The following RELN variants were observed in gnomAD, a reference collection of about 807,000 sequenced individuals.
RELN encodes reelin.
In RELN, 108 loss-of-function variants were observed where a neutral mutation model predicts 427.6. The ratio of observed to expected loss-of-function variants is 0.25; its 90% confidence interval spans 0.22 to 0.30. The LOEUF (loss-of-function observed/expected upper bound fraction) is 0.30, where lower values mean the gene tolerates loss of function less well. Among genes scored for constraint, RELN ranks in the 10% least tolerant of loss-of-function variants. The probability of loss-of-function intolerance (pLI) is 1.00; values close to 1 mark genes in which losing one functional copy is unlikely to be tolerated. For synonymous variants in RELN, 1,524 were observed against 1,513.4 expected (o/e 1.01, Z -0.16); for missense variants, 3,715 against 4,302.8 (o/e 0.86, Z 3.82).
intron 8 of RELN, among the ~76,000 whole-genome samples, chr7:103,712,604 A>G (rs181361918): frequency 6.6e-6 from 1 of 152,362 alleles, no homozygotes; most frequent in African/African-American, 2.4e-5. Flanking sequence ...GAAATGCATG[A>G]TAATTCACAT....
At chr7:103,814,818 G>A (rs1792830681) in intron 3 of RELN, among the ~76,000 whole-genome samples, 1 of 152,168 alleles carries the variant, frequency 6.6e-6, no homozygotes, top group Admixed American at 6.6e-5. Flanking sequence ...TAAAGTGAGA[G>A]TTTAGGTCTT....
chr7:103,977,524 C>G (rs185599261), intron 1 of RELN, among the ~76,000 whole-genome samples: 1 of 152,078 alleles, frequency 6.6e-6, no homozygotes, highest in Admixed American at 6.6e-5. Flanking sequence ...GAACGCAATT[C>G]CACCCTACCC....
At chr7:103,926,676 C>T (rs7812244) in intron 1 of RELN, among the ~76,000 whole-genome samples, 1 of 137,214 alleles carries the variant, frequency 7.3e-6, no homozygotes, top group African/African-American at 2.7e-5. Flanking sequence ...ACGGAGTCTC[C>T]CTCTGTCGCC....
At chr7:103,908,908 T>C (rs1019098865) in intron 2 of RELN, among the ~76,000 whole-genome samples, 1 of 152,136 alleles carries the variant, frequency 6.6e-6, no homozygotes, top group Admixed American at 6.6e-5. Flanking sequence ...TAATCTGGAG[T>C]CTTCTTGTTA....
At position 103,874,126 on chromosome 7, in the gene RELN, T is replaced by C. The variant is rs368487149; in HGVS notation, c.338-40454A>G. Reference sequence around the variant, plus strand: ...AAAACCACATGATTATCTCAATAGATGCAGAAAAAGCCTTTGACAAAATTC... The same window carrying C: ...AAAACCACATGATTATCTCAATAGACGCAGAAAAAGCCTTTGACAAAATTC... On this transcript the variant is annotated intron_variant, in intron 2 of 64. Coordinates refer to ENST00000428762, the MANE Select transcript of RELN (RefSeq NM_005045.4). Among the ~76,000 whole-genome samples, 10 of 142,508 alleles carry C rather than the reference T, an allele frequency of 7.0e-5. No individual in the cohort carries two copies. In the East Asian group the frequency reaches 1.9e-3, roughly 27 times the overall value. The allele number at this position is 142,508 out of a possible 152,430, so 93.5% of individuals were successfully genotyped here.
At chr7:103,508,553 G>C (rs1829293165) in intron 51 of RELN, among the ~76,000 whole-genome samples, 1 of 152,174 alleles carries the variant, frequency 6.6e-6, no homozygotes, top group South Asian at 2.1e-4. Flanking sequence ...ATACTGAATG[G>C]GCAAAAACTG....
chr7:103,772,126 TA>T (rs1310285963), intron 4 of RELN, among the ~76,000 whole-genome samples: 1 of 152,184 alleles, frequency 6.6e-6, no homozygotes, highest in Non-Finnish European at 1.5e-5. Flanking sequence ...CAGACTATTG[TA>T]GTTTAATTGT....
chr7:103,735,069 T>TC (rs1289975682), intron 6 of RELN, among the ~76,000 whole-genome samples: 3 of 152,086 alleles, frequency 2.0e-5, no homozygotes, highest in African/African-American at 7.2e-5. Context: ...CTCTTTTTTT[T>TC]CACTAACAAA....
At chr7:103,544,340 G>A (rs1416600982) in intron 42 of RELN, among the ~76,000 whole-genome samples, 1 of 141,346 alleles carries the variant, frequency 7.1e-6, no homozygotes, top group Non-Finnish European at 1.5e-5. Context: ...TCAGGTTCAA[G>A]CGAATCACCT....
At chr7:103,657,115 G>A (rs1443537850) in intron 12 of RELN, among the ~76,000 whole-genome samples, 2 of 152,022 alleles carry the variant, frequency 1.3e-5, no homozygotes, top group Non-Finnish European at 2.9e-5. Context: ...ACTGGATTAG[G>A]TAATTTGAAC....
rs1013299602 is a variant in RELN at position 103,531,323 on chromosome 7, C to A, written c.7349+3993G>T. On this transcript the variant is annotated intron_variant, in intron 46 of 64. Coordinates refer to ENST00000428762, the MANE Select transcript of RELN (RefSeq NM_005045.4). ...GCTTTTTGTTCATTTATTTATAAAT[C>A]ATCTTCTTTCAGGAAGATCTAACTT... Among the ~76,000 whole-genome samples, 7 of 152,310 alleles carry A rather than the reference C, an allele frequency of 4.6e-5. No homozygotes were observed. In the East Asian group the frequency reaches 1.3e-3, roughly 29 times the overall value.
chr7:103,900,037 A>G (rs889867107), intron 2 of RELN, among the ~76,000 whole-genome samples: 1 of 152,202 alleles, frequency 6.6e-6, no homozygotes, highest in African/African-American at 2.4e-5. Context: ...ATGATTGTAT[A>G]TTTAGAAAAC....
chr7:103,789,139 G>A (rs1792095697), intron 3 of RELN, among the ~76,000 whole-genome samples: 1 of 152,166 alleles, frequency 6.6e-6, no homozygotes, highest in South Asian at 2.1e-4. Flanking sequence ...CTAGCCATAT[G>A]CAGAAAACTG....
At chr7:103,983,489 C>T (rs567003816) in intron 1 of RELN, among the ~76,000 whole-genome samples, 108 of 152,258 alleles carry the variant, frequency 7.1e-4, no homozygotes, top group African/African-American at 2.5e-3. Flanking sequence ...ACAATTCCTG[C>T]GTTTGAACAG....
At chr7:103,599,429 T>C (rs546217104) in intron 24 of RELN, among the ~76,000 whole-genome samples, 1 of 152,326 alleles carries the variant, frequency 6.6e-6, no homozygotes, top group Non-Finnish European at 1.5e-5. Context: ...TGATCACTTA[T>C]TAATTTTCCA....
At chr7:103,978,079 G>C (rs894660794) in intron 1 of RELN, among the ~76,000 whole-genome samples, 5 of 152,072 alleles carry the variant, frequency 3.3e-5, no homozygotes, top group African/African-American at 1.2e-4. Context: ...ATTAATCAAA[G>C]AAATGAACAT....
chr7:103,631,611 T>C (rs1401837249), intron 19 of RELN, among the ~76,000 whole-genome samples: 1 of 152,158 alleles, frequency 6.6e-6, no homozygotes, highest in African/African-American at 2.4e-5. Context: ...CTTCTTAAAC[T>C]AAAAATACAT....
At chr7:103,664,113 C>A (rs1584388343) in intron 11 of RELN, among the ~76,000 whole-genome samples, 1 of 152,288 alleles carries the variant, frequency 6.6e-6, no homozygotes, top group Middle Eastern at 3.4e-3. Flanking sequence ...TTATAGCACA[C>A]CACATTCAAG....
At chr7:103,531,539 C>T (rs1829940567) in intron 46 of RELN, among the ~76,000 whole-genome samples, 3 of 152,136 alleles carry the variant, frequency 2.0e-5, no homozygotes, top group Admixed American at 2.0e-4. Context: ...ACTCAAAGAC[C>T]AGGGAGTCAT....
Sources: allele counts gnomAD v4.1 joint callset (sites outside exome capture counted in the v4.1 genomes callset), GRCh38; gene constraint gnomAD v4.1.1; transcripts MANE v1.5; gene names NCBI Gene and HGNC (gene_info 2026-07-23, HGNC 2026-07-21).